MAD1L1: variants seen among roughly 807,000 people sequenced by gnomAD.
The protein encoded by MAD1L1 is mitotic arrest deficient 1 like 1, also known as mitotic spindle assembly checkpoint protein MAD1.
In MAD1L1, 95 loss-of-function variants were observed where a neutral mutation model predicts 96.9. That is an observed-to-expected ratio of 0.98 (90% confidence interval 0.83 to 1.16). The LOEUF (loss-of-function observed/expected upper bound fraction) is 1.16, where lower values mean the gene tolerates loss of function less well. Among genes scored for constraint, MAD1L1 ranks in the 50% most tolerant of loss-of-function variants. MAD1L1 has a pLI of 0.00. For missense variants in MAD1L1, 1,007 were observed against 954.4 expected, an observed-to-expected ratio of 1.06 and a Z score of -0.73; for synonymous variants, 473 against 396.6, an observed-to-expected ratio of 1.19 and a Z score of -2.29.
intron 17 of MAD1L1, among the ~76,000 whole-genome samples, chr7:1,935,397 C>A (rs565952020): frequency 6.6e-6 from 1 of 152,330 alleles, no homozygotes; most frequent in Admixed American, 6.5e-5. Context: ...AACACAGGCC[C>A]CCCCTTCTGG....
Position 2,229,996 on chromosome 7 carries a change from C to G in MAD1L1, c.138G>C (p.Gln46His). The change falls in exon 3 of 19, where the codon CAG (glutamine) becomes CAC (histidine). Residue 46 changes from glutamine to histidine, a missense_variant. Transcript: ENST00000265854. ...ACATGCCACTCACCTGCATGCTCTG[C>G]TGGTACTGCATCTGCAGAGAACCTG... ...SAPGSLQMQY[Q>H]QSMQLEERAE... is the part of the protein sequence containing the mutation. The G allele has an allele frequency of 6.2e-7, 1 of 1,612,894 alleles. No homozygotes were observed. Among genetic ancestry groups the G allele is most frequent in the Non-Finnish European group, 8.5e-7 (1 of 1,180,004 alleles).
At chr7:1,887,246 G>C (rs1786097825) in intron 18 of MAD1L1, among the ~76,000 whole-genome samples, 1 of 139,894 alleles carries the variant, frequency 7.1e-6, no homozygotes, top group Non-Finnish European at 1.5e-5. Context: ...TGTGGGGGTG[G>C]CTGTGCATGT....
chr7:2,099,700 T>G (rs1185041018), intron 11 of MAD1L1, among the ~76,000 whole-genome samples: 1 of 152,078 alleles, frequency 6.6e-6, no homozygotes, highest in Non-Finnish European at 1.5e-5. Flanking sequence ...TCAGAAGAGG[T>G]ACTCCTACCC....
At chr7:2,000,262 T>C (rs1781733738) in intron 14 of MAD1L1, among the ~76,000 whole-genome samples, 1 of 151,948 alleles carries the variant, frequency 6.6e-6, no homozygotes, top group South Asian at 2.1e-4. Context: ...CGCAGCGGAC[T>C]CGGACCACGC....
chr7:2,174,476 C>T (rs539899526), intron 10 of MAD1L1, among the ~76,000 whole-genome samples: 20 of 152,308 alleles, frequency 1.3e-4, no homozygotes, highest in Non-Finnish European at 2.4e-4. Context: ...AAGAGGATGA[C>T]GCTCAAGAGA....
chr7:1,911,486 C>G (rs1788012601), intron 17 of MAD1L1, among the ~76,000 whole-genome samples: 2 of 152,336 alleles, frequency 1.3e-5, no homozygotes, highest in Non-Finnish European at 1.5e-5. Flanking sequence ...TCTGCCGCTA[C>G]AAGTCCACAG....
At chr7:1,868,604 T>C (rs1404026937) in intron 18 of MAD1L1, among the ~76,000 whole-genome samples, 1 of 152,130 alleles carries the variant, frequency 6.6e-6, no homozygotes. Context: ...AGGCTTGGAT[T>C]TCTCCAGCGC....
At chr7:1,955,538 G>A (rs1467394033) in intron 16 of MAD1L1, among the ~76,000 whole-genome samples, 1 of 152,304 alleles carries the variant, frequency 6.6e-6, no homozygotes, top group East Asian at 1.9e-4. Context: ...CAATCCACCC[G>A]CCTCAGCCTC....
intron 10 of MAD1L1, among the ~76,000 whole-genome samples, chr7:2,211,116 C>A (rs1197529011): frequency 2.0e-5 from 3 of 152,140 alleles, no homozygotes; most frequent in Non-Finnish European, 2.9e-5. Flanking sequence ...CACATGCATG[C>A]CACTTGCTTC....
chr7:2,008,046 G>A (rs1782115342), intron 13 of MAD1L1, among the ~76,000 whole-genome samples: 1 of 152,220 alleles, frequency 6.6e-6, no homozygotes, highest in East Asian at 1.9e-4. Flanking sequence ...GTGTCTCTAC[G>A]AGCCAGGGGT....
chr7:2,127,168 C>T (rs1788271996), intron 11 of MAD1L1, among the ~76,000 whole-genome samples: 1 of 152,204 alleles, frequency 6.6e-6, no homozygotes, highest in South Asian at 2.1e-4. Context: ...AAGAGAGGTG[C>T]TCAGGGCTGG....
At chr7:2,188,819 A>T (rs1791581261) in intron 10 of MAD1L1, among the ~76,000 whole-genome samples, 1 of 152,236 alleles carries the variant, frequency 6.6e-6, no homozygotes, top group African/African-American at 2.4e-5. Context: ...ACAGCAAAAA[A>T]AAAATAGACA....
intron 16 of MAD1L1, among the ~76,000 whole-genome samples, chr7:1,952,525 G>A (rs1460727909): frequency 2.6e-5 from 4 of 152,208 alleles, no homozygotes; most frequent in Admixed American, 6.5e-5. Flanking sequence ...CAGAACATCC[G>A]GGCTGTGGCT....
In MAD1L1 at chr7:2,229,966, C is replaced by G. The variant is rs1366500175; in HGVS notation, c.150+18G>C. ...GGTCTCCCCAGAGCAGACTCCCACCCAGGCACATGCCACTCACCTGCATGC... is the reference window on the plus strand; with the variant it reads ...GGTCTCCCCAGAGCAGACTCCCACCGAGGCACATGCCACTCACCTGCATGC... On this transcript the variant is annotated intron_variant, in intron 3 of 18. Transcript: ENST00000265854. The G allele has an allele frequency of 6.2e-7, 1 of 1,611,474 alleles. No homozygotes were observed. The highest frequency in any genetic ancestry group is 8.5e-7 in the Non-Finnish European group (1 of 1,179,708).
intron 15 of MAD1L1, among the ~76,000 whole-genome samples, chr7:1,961,810 A>G (rs1445092554): frequency 6.6e-6 from 1 of 151,868 alleles, no homozygotes; most frequent in Non-Finnish European, 1.5e-5. Context: ...GTGTTGTGGG[A>G]GGGACATGGT....
chr7:2,069,435 T>C (rs1486668930), intron 11 of MAD1L1, 97 bp from the exon 12 acceptor site: 8 of 1,242,760 alleles, frequency 6.4e-6, no homozygotes, highest in African/African-American at 4.7e-5. Flanking sequence ...CAGGACATCC[T>C]AAAATAGAGC....
At chr7:1,888,151 T>C (rs12533646) in intron 18 of MAD1L1, among the ~76,000 whole-genome samples, 17 of 149,130 alleles carry the variant, frequency 1.1e-4, no homozygotes, top group Non-Finnish European at 3.0e-5. Flanking sequence ...TGCCTGTGCA[T>C]GTGTGTGCAT....
At chr7:1,945,908 G>A (rs992092666) in intron 16 of MAD1L1, among the ~76,000 whole-genome samples, 2 of 152,188 alleles carry the variant, frequency 1.3e-5, no homozygotes, top group African/African-American at 4.8e-5. Flanking sequence ...GCACAGGCCA[G>A]TGCAGCCTCA....
At chr7:1,874,394 G>A (rs576599616) in intron 18 of MAD1L1, 44 of 393,138 alleles carry the variant, frequency 1.1e-4, no homozygotes, top group African/African-American at 7.4e-4. Flanking sequence ...GCACCGGGAC[G>A]GGGGTAAGAC....
Sources: gnomAD v4.1 joint callset for allele counts (sites outside exome capture counted in the v4.1 genomes callset) on GRCh38, gnomAD v4.1.1 for gene constraint, MANE v1.5 for transcripts, NCBI Gene and HGNC (gene_info 2026-07-23, HGNC 2026-07-21) for gene names.